The following MTSS1 variants were observed in gnomAD, a reference collection of about 807,000 sequenced individuals.
MTSS1 encodes the protein protein MTSS 1.
MTSS1 carries 18 observed loss-of-function variants against 79.0 expected under a neutral mutation model. The ratio of observed to expected loss-of-function variants is 0.23; its 90% CI spans 0.16 to 0.34. The LOEUF (loss-of-function observed/expected upper bound fraction) is 0.34, where lower values mean the gene tolerates loss of function less well. MTSS1 is among the 10% of genes least tolerant of loss of function. The pLI is 1.00. For synonymous variants in MTSS1, 341 were observed against 368.6 expected, an observed-to-expected ratio of 0.93 and a Z score of 0.86; for missense variants, 815 against 986.2, an observed-to-expected ratio of 0.83 and a Z score of 2.33.
chr8:124,604,714 G>C (rs774970757), intron 3 of MTSS1, among the ~76,000 whole-genome samples: 12 of 152,252 alleles, frequency 7.9e-5, no homozygotes, highest in Admixed American at 2.0e-4. Context: ...GCTAGGTAGG[G>C]TCAGCATCAC....
In MTSS1 at chr8:124,699,544, T is replaced by G; in HGVS notation, c.190A>C (p.Met64Leu). The G allele has an allele frequency of 6.2e-7, 1 of 1,614,184 alleles. No homozygotes were observed. The change falls in exon 3 of 14, where the codon ATG becomes CTG. Residue 64 changes from methionine to leucine, a missense_variant. Physicochemically the swap from Met to Leu is conservative, Grantham distance 15 (BLOSUM62 2). Transcript: ENST00000518547. ...FLDAFQKVAD[M>L]ATNTRGGTRE... is the part of the protein sequence containing the mutation. ...TGCTTACCACGTGTGTTGGTGGCCA[T>G]GTCAGCCACTTTCTGAAAGGCGTCC... is the stretch of plus-strand genomic sequence containing the variant.
At chr8:124,565,240 AT>A (rs996646845) in intron 9 of MTSS1, among the ~76,000 whole-genome samples, 2 of 152,222 alleles carry the variant, frequency 1.3e-5, no homozygotes, top group Non-Finnish European at 2.9e-5. Context: ...TGAAACAAAA[AT>A]ATGGGGTGAA....
chr8:124,671,766 A>G (rs1411674184), intron 3 of MTSS1, among the ~76,000 whole-genome samples: 1 of 152,358 alleles, frequency 6.6e-6, no homozygotes, highest in East Asian at 1.9e-4. Flanking sequence ...GTCTTCATTA[A>G]GAACACAGCA....
Position 124,681,493 on chromosome 8 carries a change from A to C in MTSS1, c.208+18033T>G, listed in dbSNP as rs528723568. The stretch of plus-strand genomic sequence containing the variant: ...AGTTTAAATCAACAGTATCTCTCTC[A>C]AAACTGCCTCCTGGCTGGGCGCAGT... On this transcript the variant is annotated intron_variant, in intron 3 of 13. Transcript: ENST00000518547. Among the ~76,000 whole-genome samples, 4 of 152,372 alleles carry C rather than the reference A, an allele frequency of 2.6e-5. No homozygotes were observed. The East Asian group carries it at 7.7e-4, about 29-fold the overall frequency.
chr8:124,606,043 T>A lies in MTSS1; in HGVS notation c.209-14808A>T, dbSNP rs572386507. ...GTGCTGGGAGTGCAGTGGTGTGATCTTGGCTCACTGCAACTTCTGCTTCCC... is the reference window on the plus strand; with the variant it reads ...GTGCTGGGAGTGCAGTGGTGTGATCATGGCTCACTGCAACTTCTGCTTCCC... On this transcript the variant is annotated intron_variant, in intron 3 of 13. Coordinates refer to ENST00000518547, the MANE Select transcript of MTSS1 (RefSeq NM_014751.6). Among the ~76,000 whole-genome samples, 4 of 151,284 alleles carry A rather than the reference T, an allele frequency of 2.6e-5. No individual in the cohort carries two copies. In the East Asian group the frequency reaches 7.7e-4, roughly 29 times the overall value.
At chr8:124,698,604 C>T (rs963886248) in intron 3 of MTSS1, among the ~76,000 whole-genome samples, 4 of 151,548 alleles carry the variant, frequency 2.6e-5, no homozygotes, top group Non-Finnish European at 4.4e-5. Flanking sequence ...CTCTGCCTCC[C>T]GGATTCAAGC....
At chr8:124,562,015 G>C (rs1378193449) in intron 10 of MTSS1, among the ~76,000 whole-genome samples, 1 of 152,162 alleles carries the variant, frequency 6.6e-6, no homozygotes. Flanking sequence ...CCAGCAGGTG[G>C]GGCTGTGGGG....
intron 3 of MTSS1, among the ~76,000 whole-genome samples, chr8:124,658,739 G>T (rs1208503081): frequency 2.0e-5 from 3 of 152,050 alleles, no homozygotes; most frequent in Non-Finnish European, 4.4e-5. Flanking sequence ...CCATCAACCA[G>T]AACAGCAGCA....
At chr8:124,719,072 T>C (rs1396111828) in intron 1 of MTSS1, among the ~76,000 whole-genome samples, 1 of 152,154 alleles carries the variant, frequency 6.6e-6, no homozygotes, top group African/African-American at 2.4e-5. Context: ...TCTAAAATGC[T>C]AGGCTGCAAA....
At chr8:124,619,901 C>A (rs1328841997) in intron 3 of MTSS1, among the ~76,000 whole-genome samples, 1 of 149,982 alleles carries the variant, frequency 6.7e-6, no homozygotes, top group Non-Finnish European at 1.5e-5. Context: ...TTCAGCCAGG[C>A]AATAACAGTA....
chr8:124,641,460 CA>C (rs1396541354), intron 3 of MTSS1, among the ~76,000 whole-genome samples: 1 of 152,216 alleles, frequency 6.6e-6, no homozygotes, highest in Non-Finnish European at 1.5e-5. Flanking sequence ...ACAGTTAAAA[CA>C]AGATTCCTTG....
intron 3 of MTSS1, among the ~76,000 whole-genome samples, chr8:124,677,322 T>C (rs1825471481): frequency 6.6e-6 from 1 of 152,184 alleles, no homozygotes; most frequent in African/African-American, 2.4e-5. Context: ...TGCTTTAAAG[T>C]GAAATCAGGG....
At chr8:124,671,477 G>A (rs1026459136) in intron 3 of MTSS1, among the ~76,000 whole-genome samples, 12 of 152,086 alleles carry the variant, frequency 7.9e-5, no homozygotes, top group African/African-American at 2.2e-4. Flanking sequence ...CACTAGTCTC[G>A]CCCTCCTGGC....
chr8:124,625,094 G>A (rs1814398461), intron 3 of MTSS1, among the ~76,000 whole-genome samples: 1 of 152,140 alleles, frequency 6.6e-6, no homozygotes. Flanking sequence ...AGGATTCTGG[G>A]CTCGGGAGCC....
chr8:124,696,493 G>A (rs574135850), intron 3 of MTSS1, among the ~76,000 whole-genome samples: 22 of 152,110 alleles, frequency 1.4e-4, no homozygotes, highest in Non-Finnish European at 2.5e-4. Flanking sequence ...ATAGTAGCAC[G>A]TATGGATTTT....
At chr8:124,691,481 CACATACACATAT>C (rs1359402591) in intron 3 of MTSS1, among the ~76,000 whole-genome samples, 1 of 152,122 alleles carries the variant, frequency 6.6e-6, no homozygotes, top group Non-Finnish European at 1.5e-5. Flanking sequence ...TGTACACAAA[CACATACACATAT>C]ATACAGTTTA....
rs75704421 is a variant in MTSS1 at position 124,706,952 on chromosome 8, T to G, written c.73-2761A>C. Among the ~76,000 whole-genome samples, 967 of 152,278 alleles carry G rather than the reference T, an allele frequency of 6.4e-3. 4 individuals are homozygous for G. The highest frequency in any genetic ancestry group is 0.014 in the Middle Eastern group (4 of 294). ...AGATCAGAGTCCTCAGGATGGCCAC[T>G]GGAGATCTCTGTCCAGAGGGACAGC... On this transcript the variant is annotated intron_variant, in intron 1 of 13. Transcript: ENST00000518547.
At chr8:124,558,780 C>G (rs772176700) in intron 10 of MTSS1, 3 of 1,583,578 alleles carry the variant, frequency 1.9e-6, no homozygotes, top group South Asian at 1.1e-5. Context: ...GCTGCACTCG[C>G]TCACTGACTG....
intron 10 of MTSS1, among the ~76,000 whole-genome samples, chr8:124,561,289 G>A (rs1180172515): frequency 2.0e-5 from 3 of 152,144 alleles, no homozygotes; most frequent in South Asian, 2.1e-4. Context: ...ATGGTGGCGC[G>A]TGCCTGTAAT....
Sources: gnomAD v4.1 joint callset for allele counts (sites outside exome capture counted in the v4.1 genomes callset) on GRCh38, gnomAD v4.1.1 for gene constraint, MANE v1.5 for transcripts, NCBI Gene and HGNC (gene_info 2026-07-23, HGNC 2026-07-21) for gene names.